NUP93: variants seen among roughly 807,000 people sequenced by gnomAD.
NUP93 encodes nucleoporin 93.
Under a neutral mutation model 107.8 loss-of-function variants are expected in NUP93, and 55 were observed. The ratio of observed to expected loss-of-function variants is 0.51; its 90% CI spans 0.41 to 0.64. The LOEUF is 0.64. Ranked by LOEUF, NUP93 falls within the 30% of genes least tolerant of loss-of-function variation. The pLI, the probability that NUP93 is intolerant of heterozygous loss-of-function variation, is 0.00. For missense variants in NUP93, 937 were observed against 1,044.7 expected, an observed-to-expected ratio of 0.90 and a Z score of 1.42; for synonymous variants, 390 against 397.5, an observed-to-expected ratio of 0.98 and a Z score of 0.22.
chr16:56,831,208 G>C (rs1054913891), intron 10 of NUP93, among the ~76,000 whole-genome samples: 3 of 152,172 alleles, frequency 2.0e-5, no homozygotes, highest in Non-Finnish European at 4.4e-5. Context: ...CTTGGATTTT[G>C]CTAATGTAAT....
At chr16:56,822,385 A>G (rs1963562987) in intron 7 of NUP93, among the ~76,000 whole-genome samples, 1 of 151,136 alleles carries the variant, frequency 6.6e-6, no homozygotes, top group Non-Finnish European at 1.5e-5. Flanking sequence ...GGTGGCATGC[A>G]CCTGTAGTCC....
chr16:56,834,870 C>A, intron 16 of NUP93, 92 bp downstream of exon 16: 1 of 1,050,918 alleles, frequency 9.5e-7, no homozygotes, highest in Non-Finnish European at 1.4e-6. Flanking sequence ...ATTCAAGGTA[C>A]TAAAGATGCA....
At chr16:56,813,630 C>T (rs1474615310) in intron 5 of NUP93, among the ~76,000 whole-genome samples, 1 of 152,240 alleles carries the variant, frequency 6.6e-6, no homozygotes, top group African/African-American at 2.4e-5. Context: ...CCCCATCCTG[C>T]ACCCAAACAC....
intron 8 of NUP93, 139 bp downstream of exon 8, chr16:56,823,985 A>C (rs199675794): frequency 8.8e-6 from 10 of 1,132,872 alleles, no homozygotes; most frequent in Non-Finnish European, 1.2e-5. Flanking sequence ...CAAGGTTCAG[A>C]GTTGTAATCC....
At chr16:56,742,188 T>A (rs1461042547) in intron 1 of NUP93, among the ~76,000 whole-genome samples, 1 of 152,214 alleles carries the variant, frequency 6.6e-6, no homozygotes, top group Non-Finnish European at 1.5e-5. Flanking sequence ...CCAAATATGC[T>A]CTCCAAATGA....
chr16:56,794,784 TG>T (rs1197110392), intron 3 of NUP93, among the ~76,000 whole-genome samples: 1 of 151,424 alleles, frequency 6.6e-6, no homozygotes, highest in African/African-American at 2.4e-5. Context: ...AAAAATTAGC[TG>T]GGCGTGGTTG....
intron 3 of NUP93, among the ~76,000 whole-genome samples, chr16:56,775,469 G>A (rs914974457): frequency 6.6e-6 from 1 of 152,184 alleles, no homozygotes; most frequent in African/African-American, 2.4e-5. Flanking sequence ...TTTCAGTGTT[G>A]TAGGTTTTCC....
intron 3 of NUP93, chr16:56,782,115 C>T: frequency 1.0e-6 from 1 of 985,382 alleles, no homozygotes; most frequent in South Asian, 4.7e-5. Flanking sequence ...AACTTGAGCA[C>T]TGGTTCCGAC....
rs187002374 is a variant in NUP93, at chr16:56,732,739, G to A, written c.-15+2528G>A. Among the ~76,000 whole-genome samples the A allele has an allele frequency of 9.8e-5, 15 of 152,294 alleles. No homozygotes were observed. The East Asian group carries it at 1.5e-3, about 16-fold the overall frequency. On this transcript the variant is annotated intron_variant, in intron 1 of 21. Transcript: ENST00000308159. The stretch of plus-strand genomic sequence containing the variant: ...GAGAGGGCCCACTCCTCATGAAAAA[G>A]TTTATTTAAAGAATATGGAGTTAGA...
intron 9 of NUP93, among the ~76,000 whole-genome samples, chr16:56,829,894 C>G (rs997113780): frequency 1.3e-5 from 2 of 152,204 alleles, no homozygotes; most frequent in Non-Finnish European, 2.9e-5. Context: ...GATAGGAGGC[C>G]TGAAGTCTAC....
Position 56,730,566 on chromosome 16 carries a change from C to T in NUP93, c.-15+355C>T, listed in dbSNP as rs114387167. On this transcript the variant is annotated intron_variant, in intron 1 of 21. Transcript: ENST00000308159. ...CCCTGCCTAAGCCTGCGCCACAACG[C>T]CCCGCCTGCTTACCTTCCTGACCGT... Among the ~76,000 whole-genome samples, 1,486 of 152,318 alleles carry T rather than the reference C, an allele frequency of 9.8e-3. 28 individuals carry two copies. Among genetic ancestry groups the T allele is most frequent in the African/African-American group, 0.034 (1,407 of 41,568 alleles).
intron 3 of NUP93, among the ~76,000 whole-genome samples, chr16:56,790,204 C>T (rs1295608703): frequency 6.6e-6 from 1 of 152,174 alleles, no homozygotes; most frequent in African/African-American, 2.4e-5. Context: ...GTCTGTATTC[C>T]TTGCAGAAGG....
intron 21 of NUP93, among the ~76,000 whole-genome samples, chr16:56,842,861 G>T (rs1416354549): frequency 6.6e-6 from 1 of 152,102 alleles, no homozygotes; most frequent in Non-Finnish European, 1.5e-5. Context: ...CCCCACAATA[G>T]TGTTTTTTAA....
At chr16:56,757,641 A>G (rs1308913090) in intron 2 of NUP93, among the ~76,000 whole-genome samples, 2 of 152,186 alleles carry the variant, frequency 1.3e-5, no homozygotes, top group South Asian at 4.1e-4. Context: ...AGATGGCTAT[A>G]TTATTCCCAT....
At chr16:56,762,486 G>C (rs900799532) in intron 3 of NUP93, among the ~76,000 whole-genome samples, 3 of 151,974 alleles carry the variant, frequency 2.0e-5, no homozygotes, top group African/African-American at 7.3e-5. Context: ...TGAGGCGAAG[G>C]GTATCCTGAT....
intron 20 of NUP93, 128 bp from the exon 21 acceptor site, chr16:56,841,577 G>T (rs574268693): frequency 1.7e-6 from 2 of 1,155,756 alleles, no homozygotes; most frequent in Admixed American, 2.3e-5. Flanking sequence ...TGACTGTGTG[G>T]CTCTCCACCT....
chr16:56,839,277 T>C, intron 19 of NUP93: 1 of 299,574 alleles, frequency 3.3e-6, no homozygotes, highest in Non-Finnish European at 6.1e-6. Flanking sequence ...TCCTTTCCCC[T>C]TTAATCTGAA....
At chr16:56,767,529 G>C (rs72784802) in intron 3 of NUP93, among the ~76,000 whole-genome samples, 1 of 152,126 alleles carries the variant, frequency 6.6e-6, no homozygotes, top group South Asian at 2.1e-4. Context: ...TGAACAAAAG[G>C]ATATGGGGGA....
chr16:56,833,110 C>A, intron 12 of NUP93, 105 bp from the exon 13 acceptor site: 1 of 927,400 alleles, frequency 1.1e-6, no homozygotes, highest in Non-Finnish European at 1.6e-6. Context: ...TTCTTCCTGT[C>A]CAGCAAGTCC....
Sources: allele counts gnomAD v4.1 joint callset (sites outside exome capture counted in the v4.1 genomes callset), GRCh38; gene constraint gnomAD v4.1.1; transcripts MANE v1.5; gene names NCBI Gene and HGNC (gene_info 2026-07-23, HGNC 2026-07-21).